ZNF705B: variants seen among roughly 807,000 people sequenced by gnomAD.
ZNF705B encodes zinc finger protein 705B, also known as Putative zinc finger protein 705D-like protein LOC100132396.
Under a neutral mutation model 10.5 loss-of-function variants are expected in ZNF705B, and 1 was observed. The observed-to-expected ratio is 0.10, with a 90% CI of 0.03 to 0.45. The LOEUF (loss-of-function observed/expected upper bound fraction) is 0.45. Ranked by LOEUF, ZNF705B falls within the 20% of genes least tolerant of loss-of-function variation. The pLI, the probability that ZNF705B is intolerant of heterozygous loss-of-function variation, is 0.97. For missense variants in ZNF705B, 14 were observed against 84.0 expected, an observed-to-expected ratio of 0.17 and a Z score of 3.26; for synonymous variants, 4 against 25.4, an observed-to-expected ratio of 0.16 and a Z score of 2.53.
At chr8:7,951,628 TC>T (rs1411243152) in intron 6 of ZNF705B, among the ~76,000 whole-genome samples, 178 bp from the exon 7 acceptor site, 12 of 35,930 alleles carry the variant, frequency 3.3e-4, no homozygotes, top group Admixed American at 8.7e-4. Flanking sequence ...GCTTGATTTT[TC>T]CCTTTGGTTA....
chr8:7,936,824 T>A lies in ZNF705B; in HGVS notation c.-72+6388T>A, dbSNP rs2740649. Among the ~76,000 whole-genome samples the A allele has an allele frequency of 1.9e-4, 23 of 118,730 alleles. 1 individual carries two copies. Among genetic ancestry groups the A allele is most frequent in the Non-Finnish European group, 4.0e-5 (2 of 50,274 alleles). 77.9% of individuals were successfully genotyped at this position (118,730 alleles called of 152,430 possible). On this transcript the variant is annotated intron_variant, in intron 2 of 6. Transcript: ENST00000400120. ...CCAAACCTCAATATCACACAATATA[T>A]CCATGTAACAAATCTGCACATGCAC... is the stretch of plus-strand genomic sequence containing the variant.
intron 1 of ZNF705B, among the ~76,000 whole-genome samples, chr8:7,928,788 G>A (rs565223696): frequency 1.0e-5 from 1 of 96,024 alleles, no homozygotes; most frequent in East Asian, 2.9e-4. Flanking sequence ...ACTCAACCAA[G>A]GAAAAAATGT....
Position 7,926,655 on chromosome 8 carries a change from G to T in ZNF705B, c.-222+258G>T, listed in dbSNP as rs1453767135. 7.9e-4 allele frequency among the ~76,000 whole-genome samples: 83 copies of T among 105,048 alleles called. 6 individuals carry two copies. The highest frequency in any genetic ancestry group is 1.5e-3 in the Admixed American group (13 of 8,666). The allele number at this position is 105,048 out of a possible 152,430, so 68.9% of individuals were successfully genotyped here. On this transcript the variant is annotated intron_variant, in intron 1 of 6. Coordinates refer to ENST00000400120, the MANE Select transcript of ZNF705B (RefSeq NM_001193630.1). The stretch of plus-strand genomic sequence containing the variant: ...CCCCAATGCAATAGTGTTAAGAAGC[G>T]GAACATTTGGGAAGTGATTAAGGAA...
intron 1 of ZNF705B, among the ~76,000 whole-genome samples, chr8:7,929,513 A>G (rs1284105744): frequency 2.5e-5 from 3 of 121,918 alleles, no homozygotes; most frequent in African/African-American, 7.5e-5. Flanking sequence ...CATAAGCAGA[A>G]ATGAAAATCC....
intron 2 of ZNF705B, among the ~76,000 whole-genome samples, chr8:7,933,720 A>G (rs1006164487): frequency 1.4e-5 from 1 of 73,530 alleles, no homozygotes; most frequent in African/African-American, 3.2e-5. Context: ...GCAAGGCTGC[A>G]TGGAATAGGA....
intron 2 of ZNF705B, among the ~76,000 whole-genome samples, chr8:7,935,845 G>A (rs1407496995): frequency 1.1e-5 from 1 of 91,278 alleles, no homozygotes; most frequent in African/African-American, 2.7e-5. Flanking sequence ...CCTTTTATCT[G>A]TAAGTAGTCA....
At chr8:7,930,547 C>T (rs1819814394) in intron 2 of ZNF705B, 111 bp downstream of exon 2, 1 of 83,466 alleles carries the variant, frequency 1.2e-5, no homozygotes, top group South Asian at 5.3e-4. Flanking sequence ...AACTGAACAG[C>T]TGCATAGCTG....
chr8:7,936,870 G>A (rs539335112), intron 2 of ZNF705B, among the ~76,000 whole-genome samples: 1,461 of 119,116 alleles, frequency 0.012, 135 homozygotes, highest in African/African-American at 0.035. Context: ...TAAAATAAAG[G>A]TTGAAGTTAT....
rs1366657756 is a variant in ZNF705B, at chr8:7,932,823, GGA to G, written c.-72+2389_-72+2390del. 1.9e-5 allele frequency among the ~76,000 whole-genome samples: 2 copies of G among 107,700 alleles called. 1 individual carries two copies. Among genetic ancestry groups the G allele is most frequent in the East Asian group, 5.4e-4 (2 of 3,702 alleles). 70.7% of individuals were successfully genotyped at this position (107,700 alleles called of 152,430 possible). On this transcript the variant is annotated intron_variant, in intron 2 of 6. Transcript: ENST00000400120. ...TTCTATACTCTTTCAATGACCAAGG[GGA>G]GGCCCCCCAGTACTTTACACAAAAA...
In ZNF705B at chr8:7,932,548, T is replaced by C. The variant is rs535829433; in HGVS notation, c.-72+2112T>C. ...GGAAGCACTTACTCTAAGAAGTAAA[T>C]GTTATATAGTGCAAAAATATATTAA... On this transcript the variant is annotated intron_variant, in intron 2 of 6. Coordinates refer to ENST00000400120, the MANE Select transcript of ZNF705B (RefSeq NM_001193630.1). Among the ~76,000 whole-genome samples the C allele has an allele frequency of 5.4e-3, 656 of 121,166 alleles. 23 individuals carry two copies. The highest frequency in any genetic ancestry group is 0.016 in the African/African-American group (618 of 39,634). 79.5% of individuals were successfully genotyped at this position (121,166 alleles called of 152,430 possible).
rs113503355 is a variant in ZNF705B at position 7,930,270 on chromosome 8, T to C, written c.-221-17T>C. On this transcript the variant is annotated splice_polypyrimidine_tract_variant and intron_variant, in intron 1 of 6. Transcript: ENST00000400120. ...TTCCTGTGTTAGTTTCCCAGCTGAATTCAAACTCATTCCCAGATCACTTGT... is the reference window on the plus strand; with the variant it reads ...TTCCTGTGTTAGTTTCCCAGCTGAACTCAAACTCATTCCCAGATCACTTGT... 9.1e-6 allele frequency: 1 copy of C among 109,460 alleles called. No homozygotes were observed. Among genetic ancestry groups the C allele is most frequent in the African/African-American group, 2.7e-5 (1 of 37,390 alleles). The allele number at this position is 109,460 out of a possible 1,614,324, so 6.8% of individuals were successfully genotyped here.
rs1429035711 is a variant in ZNF705B at position 7,926,552 on chromosome 8, A to G, written c.-222+155A>G. Among the ~76,000 whole-genome samples the G allele has an allele frequency of 9.4e-3, 1,017 of 108,040 alleles. 14 individuals carry two copies. Among genetic ancestry groups the G allele is most frequent in the African/African-American group, 0.026 (939 of 36,158 alleles). 70.9% of individuals were successfully genotyped at this position (108,040 alleles called of 152,430 possible). ...TGGTATTATTATTATTATTATTATC[A>G]GTAGTATTATCACCATCATTATTTG... On this transcript the variant is annotated intron_variant, in intron 1 of 6. Transcript: ENST00000400120.
rs1820015655 is a variant in ZNF705B at position 7,936,381 on chromosome 8, C to A, written c.-72+5945C>A. Among the ~76,000 whole-genome samples, 7 of 118,428 alleles carry A rather than the reference C, an allele frequency of 5.9e-5. 1 individual carries two copies. Among genetic ancestry groups the A allele is most frequent in the Admixed American group, 4.9e-4 (5 of 10,190 alleles). 77.7% of individuals were successfully genotyped at this position (118,428 alleles called of 152,430 possible). A position where few individuals can be genotyped will look rare whatever the true frequency, so the allele number is the denominator to read the frequency against. On this transcript the variant is annotated intron_variant, in intron 2 of 6. Coordinates refer to ENST00000400120, the MANE Select transcript of ZNF705B (RefSeq NM_001193630.1). ...AGTAATCTCACTACTGGGTGTATAT[C>A]CAAAGGAAAATAAATCAGTCTTGTA... is the stretch of plus-strand genomic sequence containing the variant.
intron 2 of ZNF705B, among the ~76,000 whole-genome samples, chr8:7,940,710 C>T (rs1333193658): frequency 1.4e-5 from 2 of 147,208 alleles, no homozygotes; most frequent in African/African-American, 5.0e-5. Context: ...CTGTGGTTGG[C>T]CTATTTCATA....
At chr8:7,940,411 C>T (rs1820117945) in intron 2 of ZNF705B, among the ~76,000 whole-genome samples, 1 of 135,846 alleles carries the variant, frequency 7.4e-6, no homozygotes, top group Non-Finnish European at 1.6e-5. Context: ...AAGTCCCCTC[C>T]CCTTTATTAT....
chr8:7,932,743 C>T (rs1295265175), intron 2 of ZNF705B, among the ~76,000 whole-genome samples: 20 of 116,884 alleles, frequency 1.7e-4, no homozygotes, highest in Non-Finnish European at 3.7e-4. Context: ...GTTTCTTGGC[C>T]AAATCAGGCA....
chr8:7,940,829 G>C (rs1244048143), intron 2 of ZNF705B, among the ~76,000 whole-genome samples: 3 of 137,562 alleles, frequency 2.2e-5, no homozygotes, highest in African/African-American at 7.6e-5. Context: ...CATTTATCCT[G>C]ATACTCTCCC....
At chr8:7,937,258 C>A (rs1362787331) in intron 2 of ZNF705B, among the ~76,000 whole-genome samples, 1 of 117,604 alleles carries the variant, frequency 8.5e-6, no homozygotes, top group Non-Finnish European at 2.0e-5. Context: ...TCTGTGTCCT[C>A]CTCTCCTCTC....
rs1247437845 is a variant in ZNF705B, at chr8:7,928,188, G to A, written c.-222+1791G>A. ...GCTCCTTCAGGCCTCTTTTATAAGG[G>A]CAGCAATCCCATCACAAGGACTTCA... On this transcript the variant is annotated intron_variant, in intron 1 of 6. Transcript: ENST00000400120. Among the ~76,000 whole-genome samples, 9 of 110,460 alleles carry A rather than the reference G, an allele frequency of 8.1e-5. 2 individuals carry two copies. Among genetic ancestry groups the A allele is most frequent in the African/African-American group, 1.9e-4 (7 of 37,690 alleles). 72.5% of individuals were successfully genotyped at this position (110,460 alleles called of 152,430 possible). A position where few individuals can be genotyped will look rare whatever the true frequency, so the allele number is the denominator to read the frequency against.
Sources: allele counts gnomAD v4.1 joint callset (sites outside exome capture counted in the v4.1 genomes callset), GRCh38; gene constraint gnomAD v4.1.1; transcripts MANE v1.5; gene names NCBI Gene and HGNC (gene_info 2026-07-23, HGNC 2026-07-21).